SLC26A11: variants seen among roughly 807,000 people sequenced by gnomAD.
SLC26A11 encodes the protein solute carrier family 26 member 11.
Under a neutral mutation model 62.2 loss-of-function variants are expected in SLC26A11, and 58 were observed. The ratio of observed to expected loss-of-function variants is 0.93; its 90% CI spans 0.76 to 1.16. The LOEUF (loss-of-function observed/expected upper bound fraction) is 1.16, where lower values mean the gene tolerates loss of function less well. Among genes scored for constraint, SLC26A11 ranks in the 50% most tolerant of loss-of-function variants. SLC26A11 has a pLI of 0.00. For synonymous variants in SLC26A11, 411 were observed against 368.9 expected (o/e 1.11, Z -1.31); for missense variants, 790 against 794.3 (o/e 0.99, Z 0.06).
intron 9 of SLC26A11, among the ~76,000 whole-genome samples, chr17:80,239,547 G>A (rs1043895832): frequency 5.9e-4 from 89 of 151,758 alleles, no homozygotes; most frequent in Admixed American, 1.5e-3. Flanking sequence ...CCGCCACCAC[G>A]CCCAGCTAAT....
At chr17:80,225,788 C>T in intron 5 of SLC26A11, 49 bp from the exon 6 acceptor site, 1 of 1,538,634 alleles carries the variant, frequency 6.5e-7, no homozygotes. Context: ...GGACAGATGG[C>T]CTTGGTTTGG....
chr17:80,241,063 C>T (rs1323295403), intron 9 of SLC26A11, among the ~76,000 whole-genome samples: 1 of 152,172 alleles, frequency 6.6e-6, no homozygotes, highest in Non-Finnish European at 1.5e-5. Context: ...TGTGATAGTG[C>T]CACTGCACTC....
rs1310740623 is a variant in SLC26A11, at chr17:80,252,457, C to G, written c.1730-168C>G. On this transcript the variant is annotated intron_variant, in intron 17 of 17. Transcript: ENST00000361193. This position sits in a 1 kb window ranked among gnomAD's most constrained non-coding sequence, Gnocchi z 5.2. Reference sequence around the variant, plus strand: ...CACCTGAAAAATACGCTTACAGAGACTCAGGTGAGACCCTCATGGAGTTAG... The same window carrying G: ...CACCTGAAAAATACGCTTACAGAGAGTCAGGTGAGACCCTCATGGAGTTAG... Among the ~76,000 whole-genome samples, 3 of 152,046 alleles carry G rather than the reference C, an allele frequency of 2.0e-5. No homozygotes were observed. The highest frequency in any genetic ancestry group is 2.0e-4 in the Admixed American group (3 of 15,256).
At position 80,248,619 on chromosome 17, in the gene SLC26A11, G is replaced by C; in HGVS notation, c.1467G>C (p.Leu489=). The change falls in exon 15 of 18, where the codon CTG becomes CTC. Residue 489 remains leucine (L), a synonymous_variant. Transcript: ENST00000361193. ...TGGTCCTGCAGCCGGCCAGCGGCCT[G>C]TCCTTCCCTGCCATGGAGGCTCTGC... The part of the protein sequence containing the change: ...PVLVLQPASG[L]SFPAMEALRE... The C allele has an allele frequency of 4.4e-6, 7 of 1,591,134 alleles. No individual in the cohort carries two copies. The highest frequency in any genetic ancestry group is 6.0e-6 in the Non-Finnish European group (7 of 1,169,140).
At chr17:80,242,631 G>A (rs111870130) in intron 10 of SLC26A11, among the ~76,000 whole-genome samples, 77 of 152,222 alleles carry the variant, frequency 5.1e-4, no homozygotes, top group African/African-American at 1.7e-3. Flanking sequence ...GGTCATGCCC[G>A]CTTTCACGGT....
intron 10 of SLC26A11, among the ~76,000 whole-genome samples, chr17:80,243,144 C>T (rs2042908370): frequency 6.6e-6 from 1 of 152,182 alleles, no homozygotes; most frequent in Admixed American, 6.5e-5. Flanking sequence ...GGTGTCCACC[C>T]TGACAATTTC....
chr17:80,220,453 A>C lies in SLC26A11; in HGVS notation c.-257A>C, dbSNP rs1455812813. The C allele has an allele frequency of 1.3e-6, 1 of 798,646 alleles. No homozygotes were observed. Among genetic ancestry groups the C allele is most frequent in the African/African-American group, 1.8e-5 (1 of 54,564 alleles). The allele number at this position is 798,646 out of a possible 1,614,324, so 49.5% of individuals were successfully genotyped here. ...TGTCCCCGGCGATTCCTGCGGACCC[A>C]GCTGCGGCGACGCCAGGAGACCCCA... On this transcript the variant is annotated 5_prime_UTR_variant, in exon 1 of 18. Coordinates refer to ENST00000361193, the MANE Select transcript of SLC26A11 (RefSeq NM_001166347.2).
chr17:80,244,505 C>T (rs994771750), intron 10 of SLC26A11, among the ~76,000 whole-genome samples: 6 of 152,160 alleles, frequency 3.9e-5, no homozygotes, highest in African/African-American at 1.2e-4. Context: ...GTGGGGAAGG[C>T]GTGTCCTGGT....
chr17:80,238,811 G>GTTTTTTTTTT lies in SLC26A11; in HGVS notation c.985+1225_985+1226insTTTTTTTTTT, dbSNP rs1276063968. ...TCTAACCCTTACCCCCTTCAAAGGA[G>GTTTTTTTTTT]TTTTTTTTGTTTTTTGTTTTTTTTT... On this transcript the variant is annotated intron_variant, in intron 9 of 17. Coordinates refer to ENST00000361193, the MANE Select transcript of SLC26A11 (RefSeq NM_001166347.2). 3.2e-5 allele frequency among the ~76,000 whole-genome samples: 4 copies of GTTTTTTTTTT among 123,222 alleles called. 1 individual carries two copies. The highest frequency in any genetic ancestry group is 1.4e-4 in the African/African-American group (4 of 29,190). The allele number at this position is 123,222 out of a possible 152,430, so 80.8% of individuals were successfully genotyped here. A position where few individuals can be genotyped will look rare whatever the true frequency, so the allele number is the denominator to read the frequency against.
intron 5 of SLC26A11, among the ~76,000 whole-genome samples, chr17:80,224,886 A>G (rs944606477): frequency 6.6e-6 from 1 of 152,008 alleles, no homozygotes; most frequent in Non-Finnish European, 1.5e-5. Flanking sequence ...GGCCCAGGAC[A>G]GAAGACCCTA....
At chr17:80,243,568 T>C (rs2042918912) in intron 10 of SLC26A11, among the ~76,000 whole-genome samples, 1 of 152,224 alleles carries the variant, frequency 6.6e-6, no homozygotes, top group Non-Finnish European at 1.5e-5. Context: ...TGGCTGATTT[T>C]TGTATTTTTA....
At position 80,221,640 on chromosome 17, in the gene SLC26A11, C is replaced by T. The variant is rs1046170087; in HGVS notation, c.80C>T (p.Pro27Leu). 1 of 1,611,978 alleles carries T rather than the reference C, an allele frequency of 6.2e-7. No individual in the cohort carries two copies. Among genetic ancestry groups the T allele is most frequent in the Non-Finnish European group, 8.5e-7 (1 of 1,179,878 alleles). The change falls in exon 3 of 18, where the codon CCT (proline) becomes CTT (leucine). Residue 27 changes from proline (P) to leucine (L), a missense_variant. Coordinates refer to ENST00000361193, the MANE Select transcript of SLC26A11 (RefSeq NM_001166347.2). ...GCCCCGAGCGCCTGCTGCTGCTCCC[C>T]TGCGGCCCTGCAGAGGAGGCTGCCC... is the stretch of plus-strand genomic sequence containing the variant. Reference protein sequence around the residue: ...GMAPSACCCSPAALQRRLPIL... With the variant: ...GMAPSACCCSLAALQRRLPIL...
chr17:80,244,402 A>G (rs903547621), intron 10 of SLC26A11, among the ~76,000 whole-genome samples: 8 of 152,310 alleles, frequency 5.3e-5, no homozygotes, highest in Middle Eastern at 3.4e-3. Flanking sequence ...GTGGGCAGCC[A>G]CTGACCTCCC....
Position 80,246,027 on chromosome 17 carries a change from G to C in SLC26A11, c.1098-127G>C. The C allele has an allele frequency of 1.7e-6, 2 of 1,159,090 alleles. No individual in the cohort carries two copies. The highest frequency in any genetic ancestry group is 3.5e-5 in the Admixed American group (2 of 57,684). 71.8% of individuals were successfully genotyped at this position (1,159,090 alleles called of 1,614,324 possible). A position where few individuals can be genotyped will look rare whatever the true frequency, so the allele number is the denominator to read the frequency against. Reference sequence around the variant, plus strand: ...GTCTCTTTGCCTCGGTCCCCTTGCAGTCCCCGCCTGCTTCCCAAGCCGTGC... The same window carrying C: ...GTCTCTTTGCCTCGGTCCCCTTGCACTCCCCGCCTGCTTCCCAAGCCGTGC... On this transcript the variant is annotated intron_variant, in intron 11 of 17. Coordinates refer to ENST00000361193, the MANE Select transcript of SLC26A11 (RefSeq NM_001166347.2). This position sits in a 1 kb window ranked among gnomAD's most constrained non-coding sequence, Gnocchi z 4.4.
At chr17:80,226,036 G>A (rs1179108376) in intron 6 of SLC26A11, 120 bp downstream of exon 6, 2 of 806,204 alleles carry the variant, frequency 2.5e-6, no homozygotes, top group African/African-American at 1.7e-5. Context: ...CCCCAGAGCA[G>A]CCCCATCAGC....
intron 5 of SLC26A11, among the ~76,000 whole-genome samples, chr17:80,225,188 G>T (rs1001176774): frequency 1.0e-4 from 15 of 149,128 alleles, no homozygotes; most frequent in Non-Finnish European, 2.2e-4. Flanking sequence ...ACCCCCCGCC[G>T]CTCTCTAAAG....
intron 7 of SLC26A11, among the ~76,000 whole-genome samples, chr17:80,233,763 G>A (rs1406867490): frequency 6.6e-6 from 1 of 151,750 alleles, no homozygotes; most frequent in Non-Finnish European, 1.5e-5. Context: ...ACTTTTTGTA[G>A]AGATGGTGTC....
rs1598842878 is a variant in SLC26A11, at chr17:80,248,036, A to G, written c.1295-94A>G. The G allele has an allele frequency of 2.8e-6, 4 of 1,424,564 alleles. No homozygotes were observed. The East Asian group carries it at 7.5e-5, about 27-fold the overall frequency. The allele number at this position is 1,424,564 out of a possible 1,614,324, so 88.2% of individuals were successfully genotyped here. ...GGGGTCCATGAGCACCTTTACTCAT[A>G]TGTGGGGGGCAGAAAGCTGTCCCGC... On this transcript the variant is annotated intron_variant, in intron 13 of 17. Transcript: ENST00000361193.
chr17:80,233,856 G>A lies in SLC26A11; in HGVS notation c.737-3072G>A, dbSNP rs138336715. 6.4e-3 allele frequency among the ~76,000 whole-genome samples: 946 copies of A among 148,234 alleles called. 5 individuals are homozygous for A. Among genetic ancestry groups the A allele is most frequent in the Middle Eastern group, 0.01 (3 of 290 alleles). On this transcript the variant is annotated intron_variant, in intron 7 of 17. Coordinates refer to ENST00000361193, the MANE Select transcript of SLC26A11 (RefSeq NM_001166347.2). ...GGCTTCCCAAATGTTGGGATTACAG[G>A]TGTGAGCCACTACTCCTGGTCTTCT... is the stretch of plus-strand genomic sequence containing the variant.
Sources: gnomAD v4.1 joint callset for allele counts (sites outside exome capture counted in the v4.1 genomes callset) on GRCh38, gnomAD v4.1.1 for gene constraint, Gnocchi (gnomAD v3.1) non-coding constraint, MANE v1.5 for transcripts, NCBI Gene and HGNC (gene_info 2026-07-23, HGNC 2026-07-21) for gene names.